The following SNX9 variants were observed in gnomAD, a reference collection of about 807,000 sequenced individuals.
The protein encoded by SNX9 is sorting nexin-9.
A neutral mutation model predicts 89.4 loss-of-function variants in SNX9; 44 were observed. The observed-to-expected ratio is 0.49, with a 90% CI of 0.39 to 0.63. The LOEUF is 0.63. Among genes scored for constraint, SNX9 ranks in the 30% least tolerant of loss-of-function variants. The pLI is 0.00. For missense variants in SNX9, 578 were observed against 736.1 expected, an observed-to-expected ratio of 0.79 and a Z score of 2.49; for synonymous variants, 236 against 247.8, an observed-to-expected ratio of 0.95 and a Z score of 0.45.
chr6:157,841,514 G>A (rs575350411), intron 1 of SNX9, among the ~76,000 whole-genome samples: 1 of 152,294 alleles, frequency 6.6e-6, no homozygotes, highest in East Asian at 1.9e-4. Context: ...TTCCCCCAGG[G>A]AGGTTTAATT....
chr6:157,852,650 C>T (rs1328725274), intron 1 of SNX9, among the ~76,000 whole-genome samples: 1 of 152,162 alleles, frequency 6.6e-6, no homozygotes, highest in African/African-American at 2.4e-5. Flanking sequence ...GTAATCACAG[C>T]TCACTGCAGC....
intron 1 of SNX9, among the ~76,000 whole-genome samples, chr6:157,831,794 G>T (rs887594483): frequency 6.6e-6 from 1 of 152,228 alleles, no homozygotes; most frequent in African/African-American, 2.4e-5. Context: ...CAGCACTTCA[G>T]TTGTTTCAGT....
intron 12 of SNX9, 63 bp downstream of exon 12, chr6:157,928,765 C>T: frequency 3.9e-6 from 5 of 1,294,118 alleles, no homozygotes; most frequent in Non-Finnish European, 5.2e-6. Context: ...GTTTTATGTC[C>T]CTTATCATAG....
At chr6:157,850,273 C>T (rs1041582250) in intron 1 of SNX9, among the ~76,000 whole-genome samples, 2 of 152,184 alleles carry the variant, frequency 1.3e-5, no homozygotes, top group Non-Finnish European at 2.9e-5. Context: ...GTGGGCAAGG[C>T]TTGACTAGTG....
chr6:157,935,402 A>T (rs1783902529), intron 13 of SNX9, among the ~76,000 whole-genome samples: 1 of 152,212 alleles, frequency 6.6e-6, no homozygotes, highest in Non-Finnish European at 1.5e-5. Context: ...TCTAATAGCC[A>T]GTGTGAAGAG....
Position 157,944,910 on chromosome 6 carries a change from T to C in SNX9, c.*2072T>C, listed in dbSNP as rs1021727558. 3.3e-5 allele frequency: 5 copies of C among 152,204 alleles called. No homozygotes were observed. Among genetic ancestry groups the C allele is most frequent in the African/African-American group, 1.2e-4 (5 of 41,438 alleles). 9.4% of individuals were successfully genotyped at this position (152,204 alleles called of 1,614,324 possible). A position where few individuals can be genotyped will look rare whatever the true frequency, so the allele number is the denominator to read the frequency against. Reference sequence around the variant, plus strand: ...TCCACGGGATTTGATGCCTGGAAGATTCTCCTTCAAGTGGCAACATGGCAT... The same window carrying C: ...TCCACGGGATTTGATGCCTGGAAGACTCTCCTTCAAGTGGCAACATGGCAT... On this transcript the variant is annotated 3_prime_UTR_variant, in exon 18 of 18. Transcript: ENST00000392185.
intron 9 of SNX9, among the ~76,000 whole-genome samples, chr6:157,913,278 G>A (rs1257406916): frequency 6.6e-6 from 1 of 151,866 alleles, no homozygotes; most frequent in Non-Finnish European, 1.5e-5. Flanking sequence ...TGATATGTAG[G>A]TGCATAATAC....
In SNX9 at chr6:157,823,266, C is replaced by A. The variant is rs2115097435; in HGVS notation, c.-169C>A. ...GGCGCGGGAGTAGCCGAGCGCCCAG[C>A]GGCTGGGCCTGAGCGTCGAGACTCG... On this transcript the variant is annotated 5_prime_UTR_variant, in exon 1 of 18. Coordinates refer to ENST00000392185, the MANE Select transcript of SNX9 (RefSeq NM_016224.5). The surrounding 1 kb of genome is among the most constrained non-coding windows in gnomAD (Gnocchi z 4.6). 1 of 374,918 alleles carries A rather than the reference C, an allele frequency of 2.7e-6. No individual in the cohort carries two copies. The highest frequency in any genetic ancestry group is 4.1e-6 in the Non-Finnish European group (1 of 242,612). The allele number at this position is 374,918 out of a possible 1,614,324, so 23.2% of individuals were successfully genotyped here. A position where few individuals can be genotyped will look rare whatever the true frequency, so the allele number is the denominator to read the frequency against.
intron 4 of SNX9, among the ~76,000 whole-genome samples, chr6:157,883,069 A>G (rs1312245125): frequency 2.0e-5 from 3 of 152,072 alleles, no homozygotes; most frequent in African/African-American, 7.2e-5. Context: ...CAGCCACCCC[A>G]ACCTTCAGCA....
intron 1 of SNX9, among the ~76,000 whole-genome samples, chr6:157,859,244 A>G (rs1230626564): frequency 5.9e-5 from 9 of 152,136 alleles, no homozygotes; most frequent in Non-Finnish European, 1.5e-5. Flanking sequence ...TTCTTCTCCC[A>G]TGTTTCTAGG....
intron 1 of SNX9, among the ~76,000 whole-genome samples, chr6:157,864,044 A>T (rs957131175): frequency 5.3e-5 from 8 of 152,122 alleles, no homozygotes; most frequent in African/African-American, 1.9e-4. Context: ...TGCTTACAAC[A>T]GGAGATCTAC....
chr6:157,881,872 T>A (rs968422584), intron 4 of SNX9, among the ~76,000 whole-genome samples: 2 of 152,186 alleles, frequency 1.3e-5, no homozygotes, highest in Admixed American at 6.5e-5. Flanking sequence ...CTTCATAATA[T>A]AAAAGTGCAC....
At chr6:157,875,219 A>G in intron 4 of SNX9, 43 bp downstream of exon 4, 1 of 1,582,290 alleles carries the variant, frequency 6.3e-7, no homozygotes, top group Non-Finnish European at 8.6e-7. Flanking sequence ...GGCTTTACGG[A>G]AAACAGAGCG....
chr6:157,826,281 G>C (rs1463983581), intron 1 of SNX9, among the ~76,000 whole-genome samples: 1 of 151,962 alleles, frequency 6.6e-6, no homozygotes, highest in Non-Finnish European at 1.5e-5. Flanking sequence ...GGCGGATCAC[G>C]AGGTCGGGAG....
intron 1 of SNX9, 152 bp from the exon 2 acceptor site, chr6:157,867,395 G>A (rs1321419847): frequency 1.7e-6 from 1 of 584,906 alleles, no homozygotes; most frequent in Non-Finnish European, 3.1e-6. Context: ...GAGCAGATGA[G>A]TCATTTTGGT....
At chr6:157,888,264 T>C (rs903826253) in intron 4 of SNX9, among the ~76,000 whole-genome samples, 9 of 152,230 alleles carry the variant, frequency 5.9e-5, no homozygotes, top group Non-Finnish European at 1.0e-4. Context: ...TTTTTTCCTC[T>C]GGAGTTTGTT....
chr6:157,883,702 G>A (rs1782675023), intron 4 of SNX9, among the ~76,000 whole-genome samples: 1 of 151,946 alleles, frequency 6.6e-6, no homozygotes, highest in Admixed American at 6.6e-5. Flanking sequence ...TTGTACCTTT[G>A]GCTTGCTCTT....
intron 2 of SNX9, among the ~76,000 whole-genome samples, chr6:157,871,981 TA>T (rs911711624): frequency 5.3e-5 from 8 of 151,984 alleles, no homozygotes; most frequent in African/African-American, 1.9e-4. Flanking sequence ...TTTTTCTTGG[TA>T]AAATAGCAAC....
intron 1 of SNX9, among the ~76,000 whole-genome samples, chr6:157,835,488 T>C (rs917921804): frequency 6.6e-6 from 1 of 151,168 alleles, no homozygotes; most frequent in Non-Finnish European, 1.5e-5. Flanking sequence ...ACATGGCTCA[T>C]TGAAGCCTTG....
Sources: allele counts gnomAD v4.1 joint callset (sites outside exome capture counted in the v4.1 genomes callset), GRCh38; gene constraint gnomAD v4.1.1; non-coding constraint Gnocchi (gnomAD v3.1); transcripts MANE v1.5; gene names NCBI Gene and HGNC (gene_info 2026-07-23, HGNC 2026-07-21).